The following PCDHGA2 variants were observed in gnomAD, a reference collection of about 807,000 sequenced individuals.
The protein encoded by PCDHGA2 is protocadherin gamma subfamily A, 2.
Under a neutral mutation model 59.2 loss-of-function variants are expected in PCDHGA2, and 40 were observed. The observed-to-expected ratio is 0.68, with a 90% CI of 0.52 to 0.88. The LOEUF (loss-of-function observed/expected upper bound fraction) is 0.88, where lower values mean the gene tolerates loss of function less well. PCDHGA2 is among the 40% of genes least tolerant of loss of function. The probability of loss-of-function intolerance (pLI) is 0.00; values close to 1 mark genes in which losing one functional copy is unlikely to be tolerated. For synonymous variants in PCDHGA2, 560 were observed against 526.0 expected, an observed-to-expected ratio of 1.06 and a Z score of -0.89; for missense variants, 1,226 against 1,204.0, an observed-to-expected ratio of 1.02 and a Z score of -0.27.
chr5:141,483,814 C>A (rs1262593892), intron 1 of PCDHGA2, among the ~76,000 whole-genome samples: 4 of 151,994 alleles, frequency 2.6e-5, no homozygotes, highest in African/African-American at 9.7e-5. Flanking sequence ...TTTTTGGCAG[C>A]CAGTGTAACC....
chr5:141,444,897 G>T (rs1445334623), intron 1 of PCDHGA2, among the ~76,000 whole-genome samples: 1 of 152,274 alleles, frequency 6.6e-6, no homozygotes, highest in African/African-American at 2.4e-5. Flanking sequence ...GAATGGGATG[G>T]CATTGCATCT....
Position 141,340,310 on chromosome 5 carries a change from G to T in PCDHGA2, c.1339G>T (p.Asp447Tyr), listed in dbSNP as rs1236347176. ...HILLQVADIN[D>Y]NAPAFSRTSY... ...TTTGCTCCAGGTGGCAGACATCAAC[G>T]ACAACGCACCCGCCTTCTCCCGCAC... The change falls in exon 1 of 4, where the codon GAC becomes TAC. Residue 447 changes from aspartate (D) to tyrosine (Y), a missense_variant. Asp to Tyr is a radical substitution (Grantham distance 160). Transcript: ENST00000394576. 2 of 1,614,088 alleles carry T rather than the reference G, an allele frequency of 1.2e-6. No homozygotes were observed. The highest frequency in any genetic ancestry group is 1.7e-6 in the Non-Finnish European group (2 of 1,180,022).
chr5:141,341,452 C>T (rs1266655355), intron 1 of PCDHGA2, 57 bp downstream of exon 1: 2 of 1,607,398 alleles, frequency 1.2e-6, no homozygotes, highest in South Asian at 1.1e-5. Context: ...AATTCACTTA[C>T]TTGTTTACTA....
At chr5:141,492,962 C>A (rs1197532146) in intron 1 of PCDHGA2, among the ~76,000 whole-genome samples, 2 of 152,258 alleles carry the variant, frequency 1.3e-5, no homozygotes, top group African/African-American at 2.4e-5. Flanking sequence ...CTATCTGACA[C>A]TCTAACAAGT....
intron 1 of PCDHGA2, among the ~76,000 whole-genome samples, chr5:141,488,139 T>A (rs906194527): frequency 6.6e-6 from 1 of 152,084 alleles, no homozygotes; most frequent in Non-Finnish European, 1.5e-5. Context: ...AGGAGAGAAC[T>A]AAAGGAATAG....
intron 1 of PCDHGA2, chr5:141,371,983 T>C (rs1411843900): frequency 2.5e-6 from 4 of 1,613,106 alleles, no homozygotes; most frequent in Non-Finnish European, 3.4e-6. Flanking sequence ...GCCTTCGAGC[T>C]CACTCTGCAG....
At chr5:141,430,771 G>A (rs772862341) in intron 1 of PCDHGA2, 37 of 1,506,734 alleles carry the variant, frequency 2.5e-5, no homozygotes, top group Non-Finnish European at 2.7e-5. Flanking sequence ...TGATTCCTGC[G>A]CGACTGCACC....
rs750310317 is a variant in PCDHGA2 at position 141,385,220 on chromosome 5, A to G, written c.2424+43825A>G. 8 of 1,614,172 alleles carry G rather than the reference A, an allele frequency of 5.0e-6. No homozygotes were observed. The South Asian group carries it at 7.7e-5, about 16-fold the overall frequency. ...AGTCACCTGATCTTCCCCCAGCCCA[A>G]CTATGTAGACATGCTCATCAGCCAG... On this transcript the variant is annotated intron_variant, in intron 1 of 3. Transcript: ENST00000394576.
At position 141,393,231 on chromosome 5, in the gene PCDHGA2, G is replaced by A. The variant is rs1309107381; in HGVS notation, c.2424+51836G>A. On this transcript the variant is annotated intron_variant, in intron 1 of 3. Transcript: ENST00000394576. Reference sequence around the variant, plus strand: ...AAAATTCCAGGTCGAAGATCTAGAAGTAAAAATTAACGAAATCGCGGTTCC... The same window carrying A: ...AAAATTCCAGGTCGAAGATCTAGAAATAAAAATTAACGAAATCGCGGTTCC... 2.5e-6 allele frequency: 4 copies of A among 1,613,738 alleles called. 1 individual carries two copies. In the South Asian group the frequency reaches 4.4e-5, roughly 18 times the overall value.
At chr5:141,372,231 G>T (rs868293386) in intron 1 of PCDHGA2, 3 of 1,613,374 alleles carry the variant, frequency 1.9e-6, no homozygotes, top group Middle Eastern at 3.3e-4. Context: ...GCAGGCCAGC[G>T]AGCCCGGGCT....
chr5:141,346,009 C>T (rs747365510), intron 1 of PCDHGA2: 3 of 1,613,514 alleles, frequency 1.9e-6, no homozygotes, highest in Admixed American at 1.7e-5. Context: ...GCCACTGTCA[C>T]GCTCACCGTG....
In PCDHGA2 at chr5:141,340,381, T is replaced by C; in HGVS notation, c.1410T>C (p.Ser470=). The C allele has an allele frequency of 1.2e-6, 2 of 1,614,150 alleles. No individual in the cohort carries two copies. The highest frequency in any genetic ancestry group is 1.1e-5 in the South Asian group (1 of 91,078). The change falls in exon 1 of 4, where the codon TCT becomes TCC. Residue 470 remains serine, a synonymous_variant. Coordinates refer to ENST00000394576, the MANE Select transcript of PCDHGA2 (RefSeq NM_018915.4). ...CCGAAAACAACCCCAGAGGAGCCTCTGTCTTCTCAGTGACGGCCCATGACC... is the reference window on the plus strand; with the variant it reads ...CCGAAAACAACCCCAGAGGAGCCTCCGTCTTCTCAGTGACGGCCCATGACC... ...YIPENNPRGA[S]VFSVTAHDPD... is the part of the protein sequence containing the mutation.
Position 141,510,938 on chromosome 5 carries a change from T to A in PCDHGA2, c.2573-9T>A. 1 of 1,614,026 alleles carries A rather than the reference T, an allele frequency of 6.2e-7. No homozygotes were observed. Among genetic ancestry groups the A allele is most frequent in the Non-Finnish European group, 8.5e-7 (1 of 1,179,984 alleles). ...TTAGCTCCCACCTGATCTTCCTCTG[T>A]CTCTGCAGAAGCTGCTGATGGGAGC... On this transcript the variant is annotated splice_polypyrimidine_tract_variant and intron_variant, in intron 3 of 3. Coordinates refer to ENST00000394576, the MANE Select transcript of PCDHGA2 (RefSeq NM_018915.4).
At chr5:141,347,173 T>TTCTTTCTTTCTTTCTA (rs1161727751) in intron 1 of PCDHGA2, among the ~76,000 whole-genome samples, 2 of 148,634 alleles carry the variant, frequency 1.3e-5, no homozygotes, top group Non-Finnish European at 3.0e-5. Context: ...CTTTCTTTCT[T>TTCTTTCTTTCTTTCTA]TCTTTCTTGA....
At chr5:141,372,333 C>A (rs376897075) in intron 1 of PCDHGA2, 5 of 1,613,732 alleles carry the variant, frequency 3.1e-6, no homozygotes, top group Non-Finnish European at 4.2e-6. Context: ...GGTCACTGTG[C>A]GTGATGGAGG....
chr5:141,429,330 T>C (rs2097204620), intron 1 of PCDHGA2, among the ~76,000 whole-genome samples: 1 of 152,188 alleles, frequency 6.6e-6, no homozygotes, highest in East Asian at 1.9e-4. Flanking sequence ...CTTTAATCCA[T>C]TAACTATAAA....
At chr5:141,350,252 G>A in intron 1 of PCDHGA2, 1 of 1,509,234 alleles carries the variant, frequency 6.6e-7, no homozygotes, top group Non-Finnish European at 8.8e-7. Flanking sequence ...TCCGCGGAGA[G>A]TTCCTGAAAT....
At position 141,487,886 on chromosome 5, in the gene PCDHGA2, G is replaced by A. The variant is rs1208779156; in HGVS notation, c.2425-6921G>A. On this transcript the variant is annotated intron_variant, in intron 1 of 3. Transcript: ENST00000394576. This position sits in a 1 kb window ranked among gnomAD's most constrained non-coding sequence, Gnocchi z 5.0. ...GATCAAGAGCCAGGCTGTTGTGGAA[G>A]CATGATGATGGAATGTGGGAGCACA... is the stretch of plus-strand genomic sequence containing the variant. 1.3e-6 allele frequency: 1 copy of A among 751,316 alleles called. No individual in the cohort carries two copies. The highest frequency in any genetic ancestry group is 2.1e-6 in the Non-Finnish European group (1 of 467,526). The allele number at this position is 751,316 out of a possible 1,614,324, so 46.5% of individuals were successfully genotyped here.
rs1408454981 is a variant in PCDHGA2, at chr5:141,489,682, T to C, written c.2425-5125T>C. The C allele has an allele frequency of 6.2e-7, 1 of 1,614,184 alleles. No individual in the cohort carries two copies. The highest frequency in any genetic ancestry group is 8.5e-7 in the Non-Finnish European group (1 of 1,180,024). On this transcript the variant is annotated intron_variant, in intron 1 of 3. Transcript: ENST00000394576. This position sits in a 1 kb window ranked among gnomAD's most constrained non-coding sequence, Gnocchi z 4.5. ...GATGCGCATCTCAGAATCAGCAGCATCTGGGGCACGATTCCCACTGGACAG... is the reference window on the plus strand; with the variant it reads ...GATGCGCATCTCAGAATCAGCAGCACCTGGGGCACGATTCCCACTGGACAG...
Sources: gnomAD v4.1 joint callset for allele counts (sites outside exome capture counted in the v4.1 genomes callset) on GRCh38, gnomAD v4.1.1 for gene constraint, Gnocchi (gnomAD v3.1) non-coding constraint, MANE v1.5 for transcripts, NCBI Gene and HGNC (gene_info 2026-07-23, HGNC 2026-07-21) for gene names.